Variants in LRRC69 observed in about 807,000 individuals in gnomAD.
LRRC69 encodes the protein leucine-rich repeat-containing protein 69.
A neutral mutation model predicts 37.8 loss-of-function variants in LRRC69; 42 were observed. The observed-to-expected ratio is 1.11, with a 90% CI of 0.87 to 1.44. LRRC69 has a LOEUF of 1.44. Ranked by LOEUF, LRRC69 falls within the 40% of genes most tolerant of loss-of-function variation. The probability of loss-of-function intolerance (pLI) is 0.00; values close to 1 mark genes in which losing one functional copy is unlikely to be tolerated. For synonymous variants in LRRC69, 141 were observed against 143.1 expected (o/e 0.99, Z 0.11); for missense variants, 357 against 401.9 (o/e 0.89, Z 0.96).
intron 5 of LRRC69, chr8:91,157,775 T>G: frequency 1.2e-6 from 2 of 1,607,710 alleles, no homozygotes; most frequent in South Asian, 2.2e-5. Flanking sequence ...GAGGACATAC[T>G]ATATCGCAGC....
chr8:91,151,664 A>G (rs1315517556), intron 5 of LRRC69, among the ~76,000 whole-genome samples: 3 of 151,654 alleles, frequency 2.0e-5, no homozygotes, highest in Non-Finnish European at 4.4e-5. Flanking sequence ...ATACCCAGTA[A>G]TGGGATTGCT....
At chr8:91,216,498 TA>T (rs1289270245) in intron 7 of LRRC69, among the ~76,000 whole-genome samples, 1 of 152,182 alleles carries the variant, frequency 6.6e-6, no homozygotes, top group Non-Finnish European at 1.5e-5. Flanking sequence ...TTGGCTCTAT[TA>T]ATTGTTCAGG....
chr8:91,135,680 C>A, exon 5 of LRRC69: 1 of 1,473,042 alleles, frequency 6.8e-7, no homozygotes, highest in East Asian at 2.7e-5. Flanking sequence ...ACTTTGTGAT[C>A]TTAAAAAACT....
chr8:91,179,328 A>AAG (rs1243779161), intron 5 of LRRC69, among the ~76,000 whole-genome samples: 4 of 152,016 alleles, frequency 2.6e-5, no homozygotes, highest in Admixed American at 6.6e-5. Context: ...GAGCAGAAGC[A>AAG]AGAGAGAGAG....
chr8:91,105,231 T>C (rs548143771), intron 1 of LRRC69, among the ~76,000 whole-genome samples: 1 of 152,048 alleles, frequency 6.6e-6, no homozygotes, highest in South Asian at 2.1e-4. Flanking sequence ...TATAGGGTCT[T>C]GGAGAAATTG....
chr8:91,215,432 A>T (rs998542233), intron 7 of LRRC69, among the ~76,000 whole-genome samples: 1 of 152,164 alleles, frequency 6.6e-6, no homozygotes, highest in African/African-American at 2.4e-5. Flanking sequence ...AATGATTTTT[A>T]AAAATTTCTC....
chr8:91,205,337 G>A (rs1342810156), intron 7 of LRRC69: 1 of 152,150 alleles, frequency 6.6e-6, no homozygotes, highest in African/African-American at 2.4e-5. Context: ...AAGAAGCAGA[G>A]TACAGATTTT....
intron 6 of LRRC69, among the ~76,000 whole-genome samples, 191 bp from the exon 7 acceptor site, chr8:91,200,422 A>G (rs1181602278): frequency 6.6e-6 from 1 of 152,208 alleles, no homozygotes; most frequent in African/African-American, 2.4e-5. Context: ...TATTGTTCTT[A>G]TATTGATGAA....
intron 5 of LRRC69, among the ~76,000 whole-genome samples, chr8:91,176,368 A>G (rs375497952): frequency 6.6e-6 from 1 of 151,684 alleles, no homozygotes; most frequent in African/African-American, 2.4e-5. Flanking sequence ...GATGTTCTCA[A>G]TCTCCTGACC....
intron 2 of LRRC69, among the ~76,000 whole-genome samples, chr8:91,125,281 T>C (rs1234903301): frequency 6.6e-6 from 1 of 151,818 alleles, no homozygotes; most frequent in African/African-American, 2.4e-5. Flanking sequence ...TATTATAAAA[T>C]TTATAAATTT....
At chr8:91,186,204 T>C (rs1809405213) in intron 5 of LRRC69, among the ~76,000 whole-genome samples, 1 of 152,210 alleles carries the variant, frequency 6.6e-6, no homozygotes. Context: ...TACTAGGCAT[T>C]GAATTTTGAG....
chr8:91,132,984 C>T (rs541117620), intron 3 of LRRC69, 126 bp from the exon 4 acceptor site: 29 of 558,562 alleles, frequency 5.2e-5, no homozygotes, highest in African/African-American at 5.0e-4. Context: ...AAACACTTGA[C>T]TGAAGTAAGC....
intron 1 of LRRC69, among the ~76,000 whole-genome samples, chr8:91,115,928 C>G (rs1248952712): frequency 6.6e-6 from 1 of 151,908 alleles, no homozygotes; most frequent in Non-Finnish European, 1.5e-5. Context: ...ACAGGTATCA[C>G]TCCTGCAGGT....
At chr8:91,197,054 T>C (rs1809616442) in intron 6 of LRRC69, among the ~76,000 whole-genome samples, 1 of 151,518 alleles carries the variant, frequency 6.6e-6, no homozygotes, top group African/African-American at 2.4e-5. Flanking sequence ...TAGTTTTCCT[T>C]CTAACAGACA....
chr8:91,120,979 C>G (rs1289633963), intron 1 of LRRC69, among the ~76,000 whole-genome samples: 2 of 152,004 alleles, frequency 1.3e-5, no homozygotes, highest in African/African-American at 4.8e-5. Context: ...AAACTAAACT[C>G]TTGATTCCTT....
At chr8:91,117,382 G>C (rs1438236330) in intron 1 of LRRC69, among the ~76,000 whole-genome samples, 1 of 151,874 alleles carries the variant, frequency 6.6e-6, no homozygotes, top group Admixed American at 6.6e-5. Context: ...GTGGCAGATT[G>C]AATTTAGGTG....
chr8:91,191,015 G>T (rs922720498), intron 6 of LRRC69, among the ~76,000 whole-genome samples: 3 of 150,512 alleles, frequency 2.0e-5, no homozygotes, highest in Non-Finnish European at 2.9e-5. Context: ...CTCCAGCCTG[G>T]GTGACAGAGC....
chr8:91,105,987 C>T (rs933635096), intron 1 of LRRC69, among the ~76,000 whole-genome samples: 3 of 151,794 alleles, frequency 2.0e-5, no homozygotes, highest in African/African-American at 4.8e-5. Flanking sequence ...GGGCGTGAGG[C>T]GGTGATTAGT....
intron 5 of LRRC69, among the ~76,000 whole-genome samples, chr8:91,152,081 GT>G (rs552345060): frequency 8.8e-4 from 133 of 151,770 alleles, no homozygotes; most frequent in African/African-American, 3.1e-3. Flanking sequence ...CTCCTATTCT[GT>G]AGGTTGCCTG....
Sources: gnomAD v4.1 joint callset for allele counts (sites outside exome capture counted in the v4.1 genomes callset) on GRCh38, gnomAD v4.1.1 for gene constraint, MANE v1.5 for transcripts, NCBI Gene and HGNC (gene_info 2026-07-23, HGNC 2026-07-21) for gene names.